DAB1: variants seen among roughly 807,000 people sequenced by gnomAD.
DAB1 encodes disabled homolog 1.
In DAB1, 15 loss-of-function variants were observed where a neutral mutation model predicts 64.6. The ratio of observed to expected loss-of-function variants is 0.23; its 90% CI spans 0.16 to 0.36. DAB1 has a LOEUF of 0.36. Ranked by LOEUF, DAB1 falls within the 10% of genes least tolerant of loss-of-function variation. The pLI, the probability that DAB1 is intolerant of heterozygous loss-of-function variation, is 1.00. For missense variants in DAB1, 596 were observed against 706.7 expected, an observed-to-expected ratio of 0.84 and a Z score of 1.78; for synonymous variants, 235 against 251.9, an observed-to-expected ratio of 0.93 and a Z score of 0.64.
chr1:58,072,348 T>G (rs931426023), intron 5 of DAB1, among the ~76,000 whole-genome samples: 10 of 152,264 alleles, frequency 6.6e-5, no homozygotes, highest in Admixed American at 2.0e-4. Flanking sequence ...AATATGGAGG[T>G]AGTTACTGTC....
At chr1:57,449,653 A>G (rs1403865887) in intron 7 of DAB1, among the ~76,000 whole-genome samples, 2 of 152,174 alleles carry the variant, frequency 1.3e-5, no homozygotes, top group African/African-American at 2.4e-5. Context: ...TGCCAGGATT[A>G]TAAGTGTAAG....
intron 4 of DAB1, among the ~76,000 whole-genome samples, chr1:58,206,065 T>C (rs1034172313): frequency 2.0e-5 from 3 of 152,146 alleles, no homozygotes; most frequent in Non-Finnish European, 4.4e-5. Flanking sequence ...AAGTTTATTT[T>C]GCCAAAGTTA....
At chr1:57,593,970 C>T (rs1017013145) in intron 7 of DAB1, among the ~76,000 whole-genome samples, 6 of 152,178 alleles carry the variant, frequency 3.9e-5, no homozygotes, top group Admixed American at 2.6e-4. Flanking sequence ...TCTAACTGGC[C>T]AAGCCTGGGT....
At chr1:58,482,691 G>A (rs910534595) in intron 3 of DAB1, among the ~76,000 whole-genome samples, 1 of 152,134 alleles carries the variant, frequency 6.6e-6, no homozygotes, top group African/African-American at 2.4e-5. Flanking sequence ...GGGGTCAAGA[G>A]GGGGACAGAC....
chr1:58,118,536 AATAC>A (rs1187174208), intron 5 of DAB1, among the ~76,000 whole-genome samples: 3 of 125,840 alleles, frequency 2.4e-5, no homozygotes, highest in Admixed American at 8.8e-5. Flanking sequence ...ATATATATAA[AATAC>A]ATATATATAC....
intron 1 of DAB1, among the ~76,000 whole-genome samples, chr1:57,391,942 C>T (rs1682410586): frequency 6.6e-6 from 1 of 152,114 alleles, no homozygotes; most frequent in Non-Finnish European, 1.5e-5. Context: ...TCATTTGTCT[C>T]TCCTAGATAA....
chr1:57,455,163 G>A (rs1412931559), intron 7 of DAB1, among the ~76,000 whole-genome samples: 1 of 152,100 alleles, frequency 6.6e-6, no homozygotes, highest in African/African-American at 2.4e-5. Context: ...CATGTGCAGA[G>A]GACTTTGCAT....
chr1:58,149,287 G>C (rs958122881), intron 5 of DAB1, among the ~76,000 whole-genome samples: 1 of 152,166 alleles, frequency 6.6e-6, no homozygotes, highest in African/African-American at 2.4e-5. Context: ...CTCCAAGAAG[G>C]AGGAAGAACA....
intron 6 of DAB1, among the ~76,000 whole-genome samples, chr1:57,755,402 C>T (rs17472030): frequency 0.18 from 26,748 of 151,912 alleles, 3,066 homozygotes; most frequent in Admixed American, 0.29. Context: ...TATATTTTCC[C>T]GTAAAGGTCC....
chr1:57,848,877 C>T (rs902562669), intron 1 of DAB1, among the ~76,000 whole-genome samples: 25 of 152,218 alleles, frequency 1.6e-4, no homozygotes, highest in African/African-American at 5.8e-4. Flanking sequence ...TGAGATTAGA[C>T]ACTTAACAGG....
chr1:57,468,109 A>G (rs1404748980), intron 7 of DAB1, among the ~76,000 whole-genome samples: 1 of 152,234 alleles, frequency 6.6e-6, no homozygotes, highest in Non-Finnish European at 1.5e-5. Context: ...TCAGATTCCC[A>G]TGAAAGACTG....
chr1:57,535,486 T>TC (rs397860945), intron 7 of DAB1, among the ~76,000 whole-genome samples: 2 of 151,114 alleles, frequency 1.3e-5, no homozygotes, highest in East Asian at 1.9e-4. Flanking sequence ...TTTTTTTTTT[T>TC]TGGAGACTGT....
chr1:57,708,198 G>A, intron 6 of DAB1, among the ~76,000 whole-genome samples: 1 of 152,194 alleles, frequency 6.6e-6, no homozygotes, highest in East Asian at 1.9e-4. Flanking sequence ...CCTGGATTGG[G>A]TCTATTCCAT....
At position 58,230,263 on chromosome 1, in the gene DAB1, ATAAAACACC is replaced by A. The variant is rs542560331; in HGVS notation, n.310-79684_310-79676del. Among the ~76,000 whole-genome samples the A allele has an allele frequency of 4.4e-3, 664 of 152,332 alleles. 4 individuals carry two copies. Among genetic ancestry groups the A allele is most frequent in the African/African-American group, 0.015 (633 of 41,580 alleles). ...CTCCTAAAGGCCAGCTGGTCTGGGA[ATAAAACACC>A]TTGGTGTCGGGCCTTTAATTTTTAA... is the stretch of plus-strand genomic sequence containing the variant. On this transcript the variant is annotated intron_variant and non_coding_transcript_variant, in intron 4 of 20. Transcript: ENST00000485760.
chr1:57,513,530 T>C (rs967920632), intron 7 of DAB1, among the ~76,000 whole-genome samples: 1 of 152,234 alleles, frequency 6.6e-6, no homozygotes, highest in Non-Finnish European at 1.5e-5. Flanking sequence ...GAGATAGAGC[T>C]GCATTTGCTT....
intron 5 of DAB1, among the ~76,000 whole-genome samples, chr1:57,997,473 G>T (rs1646442357): frequency 6.6e-6 from 1 of 152,084 alleles, no homozygotes; most frequent in African/African-American, 2.4e-5. Context: ...TTTCACTCCT[G>T]CTCTTAAACT....
chr1:57,631,473 G>A (rs1645988521), intron 7 of DAB1, among the ~76,000 whole-genome samples: 2 of 152,066 alleles, frequency 1.3e-5, no homozygotes, highest in Non-Finnish European at 2.9e-5. Context: ...ATAATTAAGT[G>A]CATTTTTCTA....
chr1:57,308,203 A>T (rs1674363137), intron 1 of DAB1, among the ~76,000 whole-genome samples: 1 of 152,254 alleles, frequency 6.6e-6, no homozygotes, highest in South Asian at 2.1e-4. Flanking sequence ...AAAATGAGCC[A>T]GCCTTGATTA....
chr1:57,329,995 CA>C (rs1676520207), intron 1 of DAB1, among the ~76,000 whole-genome samples: 1 of 152,176 alleles, frequency 6.6e-6, no homozygotes, highest in African/African-American at 2.4e-5. Context: ...CAATAGCAGT[CA>C]ACCAGGGGAT....
Sources: gnomAD v4.1 joint callset for allele counts (sites outside exome capture counted in the v4.1 genomes callset) on GRCh38, gnomAD v4.1.1 for gene constraint, MANE v1.5 for transcripts, NCBI Gene and HGNC (gene_info 2026-07-23, HGNC 2026-07-21) for gene names.